Variants in FGD5 observed in about 807,000 individuals in gnomAD.
The protein encoded by FGD5 is FYVE, RhoGEF and PH domain containing 5, also known as FYVE, RhoGEF and PH domain-containing protein 5.
A neutral mutation model predicts 133.4 loss-of-function variants in FGD5; 28 were observed. The observed-to-expected ratio is 0.21, with a 90% CI of 0.16 to 0.29. The LOEUF is 0.29. Among genes scored for constraint, FGD5 ranks in the 10% least tolerant of loss-of-function variants. FGD5 has a pLI of 1.00. For synonymous variants in FGD5, 810 were observed against 776.5 expected (o/e 1.04, Z -0.72); for missense variants, 1,858 against 1,895.2 (o/e 0.98, Z 0.36).
rs181028313 is a variant in FGD5 at position 14,848,764 on chromosome 3, A to C, written c.2526-15364A>C. On this transcript the variant is annotated intron_variant, in intron 1 of 19. Transcript: ENST00000285046. ...AAGCTTCAGCCCCATTAGCTTAGCT[A>C]GTAGTCAGGGAAGGCTTCCTAGAGT... Among the ~76,000 whole-genome samples the C allele has an allele frequency of 4.6e-5, 7 of 152,330 alleles. No homozygotes were observed. In the East Asian group the frequency reaches 1.3e-3, roughly 29 times the overall value.
chr3:14,858,057 A>G (rs2037319669), intron 1 of FGD5, among the ~76,000 whole-genome samples: 1 of 152,198 alleles, frequency 6.6e-6, no homozygotes, highest in Non-Finnish European at 1.5e-5. Context: ...AGTACAGTAA[A>G]GTACCCAGAG....
At chr3:14,918,721 C>T in intron 12 of FGD5, 33 bp from the exon 13 acceptor site, 1 of 1,611,518 alleles carries the variant, frequency 6.2e-7, no homozygotes, top group African/African-American at 1.3e-5. Flanking sequence ...CCTCCCTGCC[C>T]CACCCTGAAG....
rs60432520 is a variant in FGD5, at chr3:14,927,931, A to ATT, written c.4197+1748_4197+1749dup. On this transcript the variant is annotated intron_variant, in intron 18 of 19. Coordinates refer to ENST00000285046, the MANE Select transcript of FGD5 (RefSeq NM_152536.4). ...AAGTGTGTGACGCCAGGCCTAGCTA[A>ATT]TTTTTTTTTTTTTTTTAATTTTTTT... 8.0e-4 allele frequency among the ~76,000 whole-genome samples: 111 copies of ATT among 138,520 alleles called. 1 individual carries two copies. The highest frequency in any genetic ancestry group is 7.2e-3 in the South Asian group (31 of 4,282). The allele number at this position is 138,520 out of a possible 152,430, so 90.9% of individuals were successfully genotyped here. A position where few individuals can be genotyped will look rare whatever the true frequency, so the allele number is the denominator to read the frequency against.
chr3:14,866,920 A>G (rs1553626546), intron 2 of FGD5, among the ~76,000 whole-genome samples: 1 of 152,060 alleles, frequency 6.6e-6, no homozygotes, highest in Non-Finnish European at 1.5e-5. Flanking sequence ...GGTCATCCCA[A>G]GAGCAGGGAG....
intron 18 of FGD5, among the ~76,000 whole-genome samples, 188 bp downstream of exon 18, chr3:14,926,386 T>C (rs17040578): frequency 0.085 from 12,964 of 152,298 alleles, 1,606 homozygotes; most frequent in African/African-American, 0.27. Context: ...CACATATCAC[T>C]TCAAAATCTA....
rs34008934 is a variant in FGD5 at position 14,853,636 on chromosome 3, C to CTTTTTTTTTTTTTT, written c.2526-10474_2526-10461dup. 2.1e-3 allele frequency among the ~76,000 whole-genome samples: 79 copies of CTTTTTTTTTTTTTT among 37,126 alleles called. 9 individuals carry two copies. The East Asian group carries it at 0.029, about 14-fold the overall frequency. The allele number at this position is 37,126 out of a possible 152,430, so 24.4% of individuals were successfully genotyped here. On this transcript the variant is annotated intron_variant, in intron 1 of 19. Coordinates refer to ENST00000285046, the MANE Select transcript of FGD5 (RefSeq NM_152536.4). ...GAGATTCCCAGGGGGAAAAGCGTTC[C>CTTTTTTTTTTTTTT]TTTTTTTTTTTTTTTTTTTTTTTTT...
chr3:14,849,155 G>C (rs76606569), intron 1 of FGD5, among the ~76,000 whole-genome samples: 12,064 of 152,246 alleles, frequency 0.079, 718 homozygotes, highest in East Asian at 0.24. Context: ...GTCCGTCTCT[G>C]TCTGGCCCTG....
intron 9 of FGD5, among the ~76,000 whole-genome samples, chr3:14,903,525 C>T (rs9872363): frequency 0.086 from 11,378 of 132,688 alleles, 1,699 homozygotes; most frequent in African/African-American, 0.31. Context: ...CACAACAGTC[C>T]CCAGAGTGTG....
chr3:14,835,492 T>C (rs1419556613), intron 1 of FGD5, among the ~76,000 whole-genome samples: 7 of 149,730 alleles, frequency 4.7e-5, no homozygotes, highest in Non-Finnish European at 1.0e-4. Context: ...AGAGTGAGAC[T>C]CTGTCTCAAA....
At position 14,923,035 on chromosome 3, in the gene FGD5, TG is replaced by T; in HGVS notation, c.3808-8del. The T allele has an allele frequency of 6.2e-7, 1 of 1,613,766 alleles. No individual in the cohort carries two copies. The highest frequency in any genetic ancestry group is 8.5e-7 in the Non-Finnish European group (1 of 1,179,800). ...TGAGAGGGGTGAGAATCTTCCCACC[TG>T]GGCCTGCAGATCGTGTGCCGGAACT... On this transcript the variant is annotated splice_polypyrimidine_tract_variant and intron_variant, in intron 15 of 19. Coordinates refer to ENST00000285046, the MANE Select transcript of FGD5 (RefSeq NM_152536.4).
intron 10 of FGD5, among the ~76,000 whole-genome samples, chr3:14,909,260 G>T (rs2038401111): frequency 1.3e-5 from 2 of 152,158 alleles, no homozygotes. Context: ...GAGCCACTGT[G>T]CCCAGCGGGA....
At chr3:14,892,443 C>A (rs1197109324) in intron 4 of FGD5, among the ~76,000 whole-genome samples, 1 of 152,162 alleles carries the variant, frequency 6.6e-6, no homozygotes, top group African/African-American at 2.4e-5. Flanking sequence ...AAGCGATCCT[C>A]CCGTGTTGGC....
chr3:14,852,817 C>T (rs533435091), intron 1 of FGD5, among the ~76,000 whole-genome samples: 6 of 152,200 alleles, frequency 3.9e-5, no homozygotes, highest in Non-Finnish European at 7.4e-5. Context: ...GAGGCATTCT[C>T]TCCGAGAGGC....
intron 1 of FGD5, among the ~76,000 whole-genome samples, chr3:14,845,959 C>T (rs1047997082): frequency 1.3e-5 from 2 of 152,076 alleles, no homozygotes; most frequent in Admixed American, 6.6e-5. Flanking sequence ...ATGTGCTGCT[C>T]AGAGGCTGGG....
rs577336192 is a variant in FGD5, at chr3:14,897,847, A to G, written c.2910-92A>G. ...GTGCAAGGGTTGAGCTGGGATCTGCACCCAGGGATGTGACTCCAGGCCCCC... is the reference window on the plus strand; with the variant it reads ...GTGCAAGGGTTGAGCTGGGATCTGCGCCCAGGGATGTGACTCCAGGCCCCC... On this transcript the variant is annotated intron_variant, in intron 5 of 19. Transcript: ENST00000285046. 1.6e-4 allele frequency: 245 copies of G among 1,540,384 alleles called. 1 individual carries two copies. The African/African-American group carries it at 2.9e-3, about 18-fold the overall frequency.
chr3:14,819,445 C>G lies in FGD5; in HGVS notation c.374C>G (p.Ala125Gly). ...GGTGAGGATTCAGTGGCCCCTGCTGCTCCGGGTGCAGGAGCGCTGAGCAGG... is the reference window on the plus strand; with the variant it reads ...GGTGAGGATTCAGTGGCCCCTGCTGGTCCGGGTGCAGGAGCGCTGAGCAGG... ...GAGEDSVAPAAPGAGALSREG... is the reference protein window; with the variant it reads ...GAGEDSVAPAGPGAGALSREG... Residue 125 changes from alanine (A) to glycine (G), a missense_variant, in exon 1 of 20, where the codon GCT (alanine) becomes GGT (glycine). By Grantham distance (60) the Ala-to-Gly change is moderately conservative. This residue lies in a region of FGD5 where 1,824 missense variants were observed against 1,848.9 expected (regional missense o/e 0.99). Coordinates refer to ENST00000285046, the MANE Select transcript of FGD5 (RefSeq NM_152536.4). This position sits in a 1 kb window ranked among gnomAD's most constrained non-coding sequence, Gnocchi z 4.1. The G allele has an allele frequency of 6.5e-7, 1 of 1,550,214 alleles. No individual in the cohort carries two copies. Among genetic ancestry groups the G allele is most frequent in the Non-Finnish European group, 8.7e-7 (1 of 1,146,304 alleles).
chr3:14,821,886 G>A (rs930884724), intron 1 of FGD5, among the ~76,000 whole-genome samples: 1 of 152,126 alleles, frequency 6.6e-6, no homozygotes, highest in Non-Finnish European at 1.5e-5. Flanking sequence ...CAGGTCACAA[G>A]GTCAAGAGAT....
upstream of FGD5, among the ~76,000 whole-genome samples, chr3:14,818,746 C>G (rs1018892154): frequency 1.3e-5 from 2 of 152,152 alleles, no homozygotes; most frequent in African/African-American, 4.8e-5. Context: ...GGTCTGTTCA[C>G]TTTGTTTACA....
At position 14,918,741 on chromosome 3, in the gene FGD5, G is replaced by A. The variant is rs761839682; in HGVS notation, c.3490-13G>A. On this transcript the variant is annotated splice_polypyrimidine_tract_variant and intron_variant, in intron 12 of 19. Coordinates refer to ENST00000285046, the MANE Select transcript of FGD5 (RefSeq NM_152536.4). ...CTGCCCCACCCTGAAGGAGGCTGCT[G>A]TTGGTTTTCCAGGTCAGCCGCCCTG... is the stretch of plus-strand genomic sequence containing the variant. 2.5e-6 allele frequency: 4 copies of A among 1,613,962 alleles called. No individual in the cohort carries two copies. Among genetic ancestry groups the A allele is most frequent in the Non-Finnish European group, 3.4e-6 (4 of 1,179,874 alleles).
Sources: gnomAD v4.1 joint callset for allele counts (sites outside exome capture counted in the v4.1 genomes callset) on GRCh38, gnomAD v4.1.1 for gene constraint, gnomAD v4.1.1 regional missense constraint, Gnocchi (gnomAD v3.1) non-coding constraint, MANE v1.5 for transcripts, NCBI Gene and HGNC (gene_info 2026-07-23, HGNC 2026-07-21) for gene names.